Variants in CNBD1 observed in about 807,000 individuals in gnomAD.
CNBD1 encodes cyclic nucleotide-binding domain-containing protein 1.
In CNBD1, 71 loss-of-function variants were observed where a neutral mutation model predicts 54.4. That is an observed-to-expected ratio of 1.30 (90% CI 1.08 to 1.59). CNBD1 has a LOEUF of 1.59. CNBD1 is among the 40% of genes most tolerant of loss of function. CNBD1 has a pLI of 0.00. For missense variants in CNBD1, 659 were observed against 518.0 expected, an observed-to-expected ratio of 1.27 and a Z score of -2.64; for synonymous variants, 182 against 170.7, an observed-to-expected ratio of 1.07 and a Z score of -0.51.
intron 2 of CNBD1, among the ~76,000 whole-genome samples, chr8:87,427,332 C>A (rs1267881452): frequency 6.6e-6 from 1 of 151,996 alleles, no homozygotes; most frequent in Non-Finnish European, 1.5e-5. Flanking sequence ...TCATTTAGAG[C>A]AGTATGTATT....
At chr8:87,069,915 A>G (rs1810726280) in intron 4 of CNBD1, among the ~76,000 whole-genome samples, 1 of 152,104 alleles carries the variant, frequency 6.6e-6, no homozygotes, top group African/African-American at 2.4e-5. Context: ...TGTGATACAT[A>G]CACAGCTACC....
chr8:87,043,839 T>C (rs1422565531), intron 4 of CNBD1, among the ~76,000 whole-genome samples: 1 of 152,268 alleles, frequency 6.6e-6, no homozygotes, highest in Non-Finnish European at 1.5e-5. Context: ...GCAAGAAATC[T>C]GGTATTTCAT....
At chr8:87,228,795 T>C (rs1256900447) in intron 5 of CNBD1, among the ~76,000 whole-genome samples, 13 of 152,162 alleles carry the variant, frequency 8.5e-5, no homozygotes, top group Admixed American at 8.5e-4. Flanking sequence ...GGCTGTGTTG[T>C]TTACCTAATC....
chr8:86,923,271 C>G (rs1809305254), intron 3 of CNBD1, among the ~76,000 whole-genome samples: 1 of 151,964 alleles, frequency 6.6e-6, no homozygotes, highest in Non-Finnish European at 1.5e-5. Flanking sequence ...AAGGTCTTGT[C>G]TGTGGCTAAT....
At chr8:87,024,594 G>A (rs1164672056) in intron 4 of CNBD1, among the ~76,000 whole-genome samples, 1 of 151,912 alleles carries the variant, frequency 6.6e-6, no homozygotes, top group Non-Finnish European at 1.5e-5. Flanking sequence ...CACCCACCTC[G>A]GCCTCCCAAA....
intron 10 of CNBD1, among the ~76,000 whole-genome samples, chr8:87,354,652 C>T (rs988584163): frequency 2.4e-4 from 37 of 151,470 alleles, no homozygotes; most frequent in South Asian, 6.3e-4. Flanking sequence ...TGAGAACATG[C>T]GGTGTTTGGT....
intron 2 of CNBD1, among the ~76,000 whole-genome samples, chr8:87,389,068 T>G (rs1048378630): frequency 2.0e-5 from 3 of 152,132 alleles, no homozygotes; most frequent in African/African-American, 4.8e-5. Flanking sequence ...TGCTAAAATC[T>G]CTCAATAAAT....
chr8:87,199,315 T>C (rs927041097), intron 4 of CNBD1, among the ~76,000 whole-genome samples: 9 of 152,190 alleles, frequency 5.9e-5, no homozygotes, highest in Admixed American at 5.9e-4. Context: ...AAAAAACTAC[T>C]AGTGGAGTTC....
At chr8:86,983,635 T>C (rs1485036663) in intron 4 of CNBD1, among the ~76,000 whole-genome samples, 1 of 152,170 alleles carries the variant, frequency 6.6e-6, no homozygotes, top group Non-Finnish European at 1.5e-5. Context: ...TTTTGGGAAC[T>C]AGAGCAAAGA....
At chr8:87,255,898 A>T (rs978697962) in intron 6 of CNBD1, among the ~76,000 whole-genome samples, 2 of 145,576 alleles carry the variant, frequency 1.4e-5, no homozygotes, top group Non-Finnish European at 3.0e-5. Context: ...TGCCTTAAAT[A>T]AAATAAGACA....
chr8:86,984,319 G>A (rs974537748), intron 4 of CNBD1, among the ~76,000 whole-genome samples: 1 of 152,200 alleles, frequency 6.6e-6, no homozygotes. Flanking sequence ...TGCCACAGGG[G>A]TGGGGCCCTT....
chr8:87,212,162 A>C (rs1442189340), intron 5 of CNBD1, among the ~76,000 whole-genome samples: 3 of 152,178 alleles, frequency 2.0e-5, no homozygotes, highest in Non-Finnish European at 4.4e-5. Flanking sequence ...AATAAATTGT[A>C]CAAATGAAGT....
chr8:87,261,217 C>T (rs1159118580), intron 6 of CNBD1, among the ~76,000 whole-genome samples: 2 of 152,018 alleles, frequency 1.3e-5, no homozygotes, highest in African/African-American at 2.4e-5. Flanking sequence ...TCAGAGAGCT[C>T]AAAACACAAA....
intron 4 of CNBD1, among the ~76,000 whole-genome samples, chr8:87,137,346 G>A (rs1586282435): frequency 6.6e-6 from 1 of 151,108 alleles, no homozygotes; most frequent in Non-Finnish European, 1.5e-5. Flanking sequence ...ACAGGCGCCA[G>A]CCACCATGCC....
At chr8:87,270,988 G>C (rs571169801) in intron 6 of CNBD1, among the ~76,000 whole-genome samples, 1 of 151,614 alleles carries the variant, frequency 6.6e-6, no homozygotes, top group South Asian at 2.1e-4. Context: ...TTTCTTCATG[G>C]TTCTATCTTG....
chr8:87,006,064 T>C (rs1809091841), intron 4 of CNBD1, among the ~76,000 whole-genome samples: 1 of 152,204 alleles, frequency 6.6e-6, no homozygotes, highest in African/African-American at 2.4e-5. Flanking sequence ...CTGAGGAACA[T>C]TGAGGCCATC....
intron 6 of CNBD1, among the ~76,000 whole-genome samples, chr8:87,262,303 T>A (rs1183192128): frequency 6.6e-6 from 1 of 152,212 alleles, no homozygotes; most frequent in Non-Finnish European, 1.5e-5. Context: ...TTGATAGAAT[T>A]ACTTTCTAAT....
intron 5 of CNBD1, among the ~76,000 whole-genome samples, chr8:87,233,623 T>C (rs1807511593): frequency 6.6e-6 from 1 of 152,096 alleles, no homozygotes; most frequent in African/African-American, 2.4e-5. Flanking sequence ...TATGGGTGGT[T>C]GCAGCAAATT....
At chr8:87,376,033 G>A (rs1026116572) in intron 10 of CNBD1, among the ~76,000 whole-genome samples, 1 of 151,752 alleles carries the variant, frequency 6.6e-6, no homozygotes, top group African/African-American at 2.4e-5. Context: ...CAATATGAAG[G>A]ATTATAACAT....
Sources: gnomAD v4.1 joint callset for allele counts (sites outside exome capture counted in the v4.1 genomes callset) on GRCh38, gnomAD v4.1.1 for gene constraint, MANE v1.5 for transcripts, NCBI Gene and HGNC (gene_info 2026-07-23, HGNC 2026-07-21) for gene names.